The following COL12A1 variants were observed in gnomAD, a reference collection of about 807,000 sequenced individuals.
COL12A1 encodes collagen alpha-1(XII) chain.
In COL12A1, 114 loss-of-function variants were observed where a neutral mutation model predicts 349.7. The ratio of observed to expected loss-of-function variants is 0.33; its 90% confidence interval spans 0.28 to 0.38. The LOEUF is 0.38. COL12A1 is among the 10% of genes least tolerant of loss of function. COL12A1 has a pLI of 1.00. For synonymous variants in COL12A1, 1,369 were observed against 1,329.0 expected (o/e 1.03, Z -0.66); for missense variants, 3,284 against 3,756.9 (o/e 0.87, Z 3.29).
Position 75,183,605 on chromosome 6 carries a change from C to G in COL12A1, c.1336G>C (p.Asp446His). ...DIKADIVFLV[D>H]GSYSIGIANF... is the part of the protein sequence containing the mutation. ...GCAATCCCAATGCTATAGGAGCCATCAACCAAAAACACAATATCGGCTTTT... is the reference window on the plus strand; with the variant it reads ...GCAATCCCAATGCTATAGGAGCCATGAACCAAAAACACAATATCGGCTTTT... The change falls in exon 10 of 66, where the codon GAT becomes CAT. Residue 446 changes from aspartate to histidine, a missense_variant. Around this residue, in one of 2 missense-constraint regions of COL12A1, gnomAD observed 2,601 missense variants for 2,824.8 expected, o/e 0.92. Transcript: ENST00000322507. The G allele has an allele frequency of 6.2e-7, 1 of 1,612,552 alleles. No individual in the cohort carries two copies. The highest frequency in any genetic ancestry group is 2.2e-5 in the East Asian group (1 of 44,868).
rs1450292372 is a variant in COL12A1 at position 75,202,815 on chromosome 6, G to T, written c.-23C>A. ...CATCCTTGGCCTCCGAGCTTACAGC[G>T]GCATGAAGAGATCTGCGGGAGGAAG... On this transcript the variant is annotated 5_prime_UTR_variant, in exon 2 of 66. Transcript: ENST00000322507. 2 of 1,550,520 alleles carry T rather than the reference G, an allele frequency of 1.3e-6. No homozygotes were observed. Among genetic ancestry groups the T allele is most frequent in the Non-Finnish European group, 1.7e-6 (2 of 1,146,002 alleles).
At chr6:75,105,114 T>C (rs1768483310) in intron 54 of COL12A1, 92 bp downstream of exon 54, 2 of 1,028,660 alleles carry the variant, frequency 1.9e-6, no homozygotes, top group East Asian at 2.6e-5. Flanking sequence ...CCTGGATGAA[T>C]TGAAGTATTT....
At chr6:75,175,342 C>A in intron 12 of COL12A1, 32 bp from the exon 13 acceptor site, 1 of 1,590,284 alleles carries the variant, frequency 6.3e-7, no homozygotes, top group Admixed American at 1.8e-5. Context: ...TCATCAAAAC[C>A]CATTATTTAA....
intron 35 of COL12A1, 110 bp downstream of exon 35, chr6:75,131,830 T>A (rs1395003241): frequency 8.6e-7 from 1 of 1,165,868 alleles, no homozygotes; most frequent in Non-Finnish European, 1.2e-6. Flanking sequence ...ATAATTTAAG[T>A]ATTATACACT....
chr6:75,109,286 G>T, intron 51 of COL12A1, 119 bp from the exon 52 acceptor site: 1 of 658,614 alleles, frequency 1.5e-6, no homozygotes, highest in Non-Finnish European at 2.4e-6. Flanking sequence ...TAAATCAAAA[G>T]TCTTACTCTG....
intron 8 of COL12A1, among the ~76,000 whole-genome samples, chr6:75,187,126 T>TA (rs1769666404): frequency 6.8e-6 from 1 of 147,220 alleles, no homozygotes; most frequent in Admixed American, 7.0e-5. Context: ...TTAAAAGTTT[T>TA]AAAAAATGAA....
chr6:75,086,615 A>C, intron 65 of COL12A1, 58 bp from the exon 66 acceptor site: 1 of 1,351,830 alleles, frequency 7.4e-7, no homozygotes, highest in Admixed American at 1.8e-5. Context: ...AAAAAATATA[A>C]ATACACATCC....
At chr6:75,131,703 T>C (rs1427312645) in intron 35 of COL12A1, among the ~76,000 whole-genome samples, 3 of 152,218 alleles carry the variant, frequency 2.0e-5, no homozygotes, top group African/African-American at 7.2e-5. Context: ...GGTCTAGCAA[T>C]GATTTACATT....
In COL12A1 at chr6:75,165,640, C is replaced by A; in HGVS notation, c.2850G>T (p.Glu950Asp). 6.2e-7 allele frequency: 1 copy of A among 1,613,964 alleles called. No homozygotes were observed. The highest frequency in any genetic ancestry group is 8.5e-7 in the Non-Finnish European group (1 of 1,179,908). Residue 950 changes from glutamate to aspartate, a missense_variant, in exon 14 of 66, where the codon GAG (glutamate) becomes GAT (aspartate). Glu to Asp is a conservative substitution (Grantham distance 45). Coordinates refer to ENST00000322507, the MANE Select transcript of COL12A1 (RefSeq NM_004370.6). ...GAATTGCATCTTCAGGCAGATTTTT[C>A]TCTCCAGTGTCAACATCATCATAAA... is the stretch of plus-strand genomic sequence containing the variant. Reference protein sequence around the residue: ...KSLYDDVDTGEKNLPEDAIHT... With the variant: ...KSLYDDVDTGDKNLPEDAIHT...
At chr6:75,145,209 A>G in intron 25 of COL12A1, 117 bp downstream of exon 25, 1 of 1,053,670 alleles carries the variant, frequency 9.5e-7, no homozygotes, top group Non-Finnish European at 1.3e-6. Context: ...GTCAAAAGTA[A>G]TAACTGTGAC....
chr6:75,192,341 C>A lies in COL12A1; in HGVS notation c.205G>T (p.Glu69Ter). 6.2e-7 allele frequency: 1 copy of A among 1,610,942 alleles called. No homozygotes were observed. Among genetic ancestry groups the A allele is most frequent in the Non-Finnish European group, 8.5e-7 (1 of 1,178,410 alleles). Residue 69 changes from glutamate (E) to a stop codon, truncating the protein, a stop_gained, in exon 4 of 66, where the codon GAA becomes TAA. Transcript: ENST00000322507. LOFTEE classifies it high-confidence loss of function. ...GTGGTACTAGCTGAAAGGGTAAATT[C>A]TTTAGTAGGCCCATCTGGAAATATA... ...VDPTTDGPTK[E>*]FTLSASTTET...
At position 75,089,133 on chromosome 6, in the gene COL12A1, C is replaced by A; in HGVS notation, c.8983G>T (p.Gly2995Ter). Residue 2995 changes from glycine (G) to a stop codon, truncating the protein, a stop_gained, in exon 64 of 66, where the codon GGA becomes TGA. Coordinates refer to ENST00000322507, the MANE Select transcript of COL12A1 (RefSeq NM_004370.6). LOFTEE classifies it high-confidence loss of function. The part of the protein sequence containing the change: ...EKGERGTGSS[G>*]PRGLPGPPGP... ...GGGGGGCCAGGCAGCCCCCGAGGTC[C>A]TGAAGATCCAGTACCCCTTTCACCT... 6.2e-7 allele frequency: 1 copy of A among 1,611,708 alleles called. No homozygotes were observed. Among genetic ancestry groups the A allele is most frequent in the Non-Finnish European group, 8.5e-7 (1 of 1,179,264 alleles).
chr6:75,091,730 T>C (rs2149329141), intron 60 of COL12A1, among the ~76,000 whole-genome samples: 1 of 152,312 alleles, frequency 6.6e-6, no homozygotes, highest in Non-Finnish European at 1.5e-5. Flanking sequence ...TCTCTCTCTC[T>C]CTCTGAAGCA....
rs184556620 is a variant in COL12A1 at position 75,183,937 on chromosome 6, A to T, written c.1205T>A (p.Ile402Asn). The T allele has an allele frequency of 1.2e-6, 2 of 1,614,146 alleles. No homozygotes were observed. Among genetic ancestry groups the T allele is most frequent in the African/African-American group, 2.7e-5 (2 of 75,024 alleles). Residue 402 changes from isoleucine to asparagine, a missense_variant, in exon 9 of 66, where the codon ATC becomes AAC. Coordinates refer to ENST00000322507, the MANE Select transcript of COL12A1 (RefSeq NM_004370.6). ...RDLSADTEYQISVSAMKGMTS... is the reference protein window; with the variant it reads ...RDLSADTEYQNSVSAMKGMTS... ...CATTCCCTTCATGGCGGAAACACTGATCTGGTATTCTGTGTCTGCTGAGAG... is the reference window on the plus strand; with the variant it reads ...CATTCCCTTCATGGCGGAAACACTGTTCTGGTATTCTGTGTCTGCTGAGAG...
chr6:75,202,809 T>TA lies in COL12A1; in HGVS notation c.-18dup. The TA allele has an allele frequency of 6.4e-7, 1 of 1,551,478 alleles. No homozygotes were observed. Among genetic ancestry groups the TA allele is most frequent in the Non-Finnish European group, 8.7e-7 (1 of 1,146,790 alleles). ...ACTCCGCATCCTTGGCCTCCGAGCT[T>TA]ACAGCGGCATGAAGAGATCTGCGGG... On this transcript the variant is annotated 5_prime_UTR_variant, in exon 2 of 66. It removes the in-frame stop codon of an upstream open reading frame in the 5' UTR. Transcript: ENST00000322507.
intron 14 of COL12A1, among the ~76,000 whole-genome samples, chr6:75,157,904 A>G (rs1176402759): frequency 1.3e-5 from 2 of 152,164 alleles, no homozygotes; most frequent in African/African-American, 4.8e-5. Flanking sequence ...TAGGATATTT[A>G]GTAGGTGATT....
chr6:75,186,179 C>T (rs1423104825), intron 8 of COL12A1, among the ~76,000 whole-genome samples: 1 of 152,100 alleles, frequency 6.6e-6, no homozygotes, highest in African/African-American at 2.4e-5. Flanking sequence ...AGTAAACAGA[C>T]AACATACAAA....
intron 13 of COL12A1, among the ~76,000 whole-genome samples, chr6:75,174,116 A>G (rs1334942169): frequency 6.6e-6 from 1 of 152,218 alleles, no homozygotes; most frequent in Non-Finnish European, 1.5e-5. Flanking sequence ...AAATCCTAAA[A>G]AATATAAAGG....
intron 11 of COL12A1, 83 bp downstream of exon 11, chr6:75,180,856 G>A: frequency 2.0e-6 from 3 of 1,490,448 alleles, no homozygotes; most frequent in East Asian, 2.3e-5. Flanking sequence ...GAACTATAAA[G>A]CAGATGGTTA....
Sources: gnomAD v4.1 joint callset for allele counts (sites outside exome capture counted in the v4.1 genomes callset) on GRCh38, gnomAD v4.1.1 for gene constraint, gnomAD v4.1.1 regional missense constraint, MANE v1.5 for transcripts, NCBI Gene and HGNC (gene_info 2026-07-23, HGNC 2026-07-21) for gene names.